CCBE1: variants seen among roughly 807,000 people sequenced by gnomAD.
The protein encoded by CCBE1 is collagen and calcium binding EGF domains 1.
CCBE1 carries 37 observed loss-of-function variants against 50.0 expected under a neutral mutation model. That is an observed-to-expected ratio of 0.74 (90% CI 0.57 to 0.97). CCBE1 has a LOEUF of 0.97. CCBE1 is among the 50% of genes least tolerant of loss of function. The pLI, the probability that CCBE1 is intolerant of heterozygous loss-of-function variation, is 0.00. For missense variants in CCBE1, 538 were observed against 523.8 expected, an observed-to-expected ratio of 1.03 and a Z score of -0.26; for synonymous variants, 234 against 203.7, an observed-to-expected ratio of 1.15 and a Z score of -1.27.
chr18:59,444,480 G>C (rs1384999539), intron 7 of CCBE1, among the ~76,000 whole-genome samples: 1 of 151,218 alleles, frequency 6.6e-6, no homozygotes, highest in Non-Finnish European at 1.5e-5. Context: ...CAGTGCCCAG[G>C]GTTCCAATTT....
At chr18:59,533,106 C>T (rs76000051) in intron 2 of CCBE1, among the ~76,000 whole-genome samples, 1,684 of 152,270 alleles carry the variant, frequency 0.011, 25 homozygotes, top group South Asian at 0.051. Flanking sequence ...TCAAGCTATT[C>T]TTGGCTTTTA....
Position 59,436,100 on chromosome 18 carries a change from A to G in CCBE1, c.1029T>C (p.Ala343=). 6.2e-7 allele frequency: 1 copy of G among 1,614,262 alleles called. No individual in the cohort carries two copies. Among genetic ancestry groups the G allele is most frequent in the Non-Finnish European group, 8.5e-7 (1 of 1,180,056 alleles). Residue 343 remains alanine (A), a synonymous_variant, in exon 11 of 11, where the codon GCT becomes GCC. Transcript: ENST00000439986. Reference sequence around the variant, plus strand: ...GCTCAGTGATGTCATTGCGGATGTCAGCCAGCATAAGTAGCAGGAAGTCGA... The same window carrying G: ...GCTCAGTGATGTCATTGCGGATGTCGGCCAGCATAAGTAGCAGGAAGTCGA... ...GSFDFLLLML[A]DIRNDITELQ... is the part of the protein sequence containing the mutation.
intron 2 of CCBE1, among the ~76,000 whole-genome samples, chr18:59,659,361 A>G (rs936312827): frequency 6.6e-6 from 1 of 151,996 alleles, no homozygotes; most frequent in African/African-American, 2.4e-5. Flanking sequence ...TGTGACATCC[A>G]AAAATACAGG....
rs370096313 is a variant in CCBE1, at chr18:59,448,071, C to T, written c.687G>A (p.Leu229=). 2.7e-5 allele frequency: 43 copies of T among 1,613,918 alleles called. No individual in the cohort carries two copies. The highest frequency in any genetic ancestry group is 1.6e-4 in the Middle Eastern group (1 of 6,082). Residue 229 remains leucine (L), a synonymous_variant, in exon 7 of 11, where the codon CTG becomes CTA. Coordinates refer to ENST00000439986, the MANE Select transcript of CCBE1 (RefSeq NM_133459.4). ...CCTTGTCACCAGTGATATACTTGCCCAGGTCAGCTGCATTGTTGGGGAGCA... is the reference window on the plus strand; with the variant it reads ...CCTTGTCACCAGTGATATACTTGCCTAGGTCAGCTGCATTGTTGGGGAGCA... ...IALLPNNAAD[L]GKYITGDKVL... is the part of the protein sequence containing the mutation.
At chr18:59,495,433 A>T (rs1232638349) in intron 2 of CCBE1, among the ~76,000 whole-genome samples, 1 of 145,394 alleles carries the variant, frequency 6.9e-6, no homozygotes, top group Non-Finnish European at 1.5e-5. Context: ...ACAGAGGTTC[A>T]AAATAGGAAA....
At chr18:59,547,319 C>A (rs374977793) in intron 2 of CCBE1, among the ~76,000 whole-genome samples, 1 of 152,028 alleles carries the variant, frequency 6.6e-6, no homozygotes, top group African/African-American at 2.4e-5. Flanking sequence ...ATCTGGAGTT[C>A]GAGTTGACCT....
At chr18:59,548,118 G>C (rs1915777381) in intron 2 of CCBE1, among the ~76,000 whole-genome samples, 1 of 152,204 alleles carries the variant, frequency 6.6e-6, no homozygotes, top group African/African-American at 2.4e-5. Context: ...GAGAGACCAA[G>C]AGTTTATCCA....
intron 2 of CCBE1, among the ~76,000 whole-genome samples, chr18:59,595,305 G>T (rs955783381): frequency 6.6e-6 from 1 of 150,650 alleles, no homozygotes; most frequent in South Asian, 2.1e-4. Flanking sequence ...GCTCACCTCT[G>T]TGGGTCCCAG....
intron 2 of CCBE1, among the ~76,000 whole-genome samples, chr18:59,524,647 T>C (rs1444049777): frequency 6.6e-6 from 1 of 152,200 alleles, no homozygotes; most frequent in Non-Finnish European, 1.5e-5. Flanking sequence ...ATGTGCAGGT[T>C]TGTTACATAG....
chr18:59,540,033 AGTGTAT>A (rs1353501183), intron 2 of CCBE1, among the ~76,000 whole-genome samples: 50 of 152,338 alleles, frequency 3.3e-4, no homozygotes, highest in Admixed American at 2.9e-3. Flanking sequence ...CTTGAAGATC[AGTGTAT>A]AATCTTGGAC....
chr18:59,682,070 C>A (rs2054596707), intron 2 of CCBE1, among the ~76,000 whole-genome samples: 1 of 152,154 alleles, frequency 6.6e-6, no homozygotes, highest in African/African-American at 2.4e-5. Context: ...TCATTAAAAA[C>A]CATGTCTCCC....
Position 59,480,221 on chromosome 18 carries a change from C to T in CCBE1, c.230G>A (p.Gly77Glu), listed in dbSNP as rs140934817. The T allele has an allele frequency of 6.3e-7, 1 of 1,598,328 alleles. No individual in the cohort carries two copies. ...TTCYRKKCCK[G>E]YKFVLGQCIP... ...GCATTGTCCAAGAACAAATTTATAT[C>T]CTTTGCAGCACTTTTTCCTAAGAGA... Residue 77 changes from glycine to glutamate, a missense_variant, in exon 3 of 11, where the codon GGA (glycine) becomes GAA (glutamate). By Grantham distance (98) the Gly-to-Glu change is moderately conservative (BLOSUM62 -2). Coordinates refer to ENST00000439986, the MANE Select transcript of CCBE1 (RefSeq NM_133459.4).
chr18:59,661,947 A>AC (rs1443967077), intron 2 of CCBE1, among the ~76,000 whole-genome samples: 1 of 146,798 alleles, frequency 6.8e-6, no homozygotes, highest in Non-Finnish European at 1.5e-5. Context: ...AGCCAGGGCA[A>AC]CAGAGTGAGA....
At chr18:59,485,084 A>G (rs902547830) in intron 2 of CCBE1, among the ~76,000 whole-genome samples, 1 of 152,070 alleles carries the variant, frequency 6.6e-6, no homozygotes, top group African/African-American at 2.4e-5. Flanking sequence ...TGGGGAGACA[A>G]TCATTCTTAA....
intron 2 of CCBE1, among the ~76,000 whole-genome samples, chr18:59,646,871 A>G (rs1271354196): frequency 6.6e-6 from 1 of 152,180 alleles, no homozygotes; most frequent in Non-Finnish European, 1.5e-5. Context: ...ACTTAAGACA[A>G]TGATCAGGTC....
At chr18:59,447,199 A>G (rs1910714136) in intron 7 of CCBE1, among the ~76,000 whole-genome samples, 1 of 152,214 alleles carries the variant, frequency 6.6e-6, no homozygotes, top group Non-Finnish European at 1.5e-5. Flanking sequence ...ACACATATAT[A>G]TACACACATA....
intron 2 of CCBE1, among the ~76,000 whole-genome samples, chr18:59,651,549 A>AG (rs2054128260): frequency 6.6e-6 from 1 of 152,214 alleles, no homozygotes; most frequent in Admixed American, 6.5e-5. Flanking sequence ...TGAGAATCAA[A>AG]GAATGTGTTA....
chr18:59,619,406 A>G (rs2053682596), intron 2 of CCBE1, among the ~76,000 whole-genome samples: 1 of 151,998 alleles, frequency 6.6e-6, no homozygotes, highest in South Asian at 2.1e-4. Context: ...ACAACCTTGA[A>G]CTCCTAGGCT....
At chr18:59,660,780 G>GA (rs1330154607) in intron 2 of CCBE1, among the ~76,000 whole-genome samples, 1 of 152,058 alleles carries the variant, frequency 6.6e-6, no homozygotes, top group Non-Finnish European at 1.5e-5. Flanking sequence ...GAAATACTTA[G>GA]AAAATGTGAT....
Sources: allele counts gnomAD v4.1 joint callset (sites outside exome capture counted in the v4.1 genomes callset), GRCh38; gene constraint gnomAD v4.1.1; transcripts MANE v1.5; gene names NCBI Gene and HGNC (gene_info 2026-07-23, HGNC 2026-07-21).